Variants in SEC24A observed in about 807,000 individuals in gnomAD.
The protein encoded by SEC24A is protein transport protein Sec24A.
In SEC24A, 93 loss-of-function variants were observed where a neutral mutation model predicts 129.4. The observed-to-expected ratio is 0.72, with a 90% CI of 0.61 to 0.85. The LOEUF (loss-of-function observed/expected upper bound fraction) is 0.85. SEC24A is among the 40% of genes least tolerant of loss of function. The probability of loss-of-function intolerance (pLI) is 0.00; values close to 1 mark genes in which losing one functional copy is unlikely to be tolerated. For synonymous variants in SEC24A, 460 were observed against 467.3 expected, an observed-to-expected ratio of 0.98 and a Z score of 0.20; for missense variants, 1,264 against 1,307.4, an observed-to-expected ratio of 0.97 and a Z score of 0.51.
At chr5:134,670,527 C>T (rs1290000715) in intron 3 of SEC24A, among the ~76,000 whole-genome samples, 1 of 152,208 alleles carries the variant, frequency 6.6e-6, no homozygotes, top group Non-Finnish European at 1.5e-5. Context: ...ATTTAGTTCT[C>T]ATAAACAGAT....
intron 21 of SEC24A, among the ~76,000 whole-genome samples, 162 bp downstream of exon 21, chr5:134,721,252 A>C (rs1249667046): frequency 6.6e-6 from 1 of 152,104 alleles, no homozygotes; most frequent in Non-Finnish European, 1.5e-5. Context: ...TCATAGAATC[A>C]TTAGGGAATT....
intron 11 of SEC24A, among the ~76,000 whole-genome samples, chr5:134,690,365 G>A (rs1280650510): frequency 6.6e-6 from 1 of 152,116 alleles, no homozygotes; most frequent in African/African-American, 2.4e-5. Context: ...CCATGTTGCA[G>A]TGCAATGGTG....
intron 15 of SEC24A, among the ~76,000 whole-genome samples, chr5:134,699,592 C>G (rs554283028): frequency 6.6e-6 from 1 of 152,076 alleles, no homozygotes; most frequent in African/African-American, 2.4e-5. Flanking sequence ...AGCTACCGCA[C>G]CTGGCCCATT....
chr5:134,693,080 T>C, intron 12 of SEC24A: 1 of 1,536,030 alleles, frequency 6.5e-7, no homozygotes, highest in Non-Finnish European at 8.7e-7. Flanking sequence ...TGCCTGGAAA[T>C]TGCCATGAGA....
chr5:134,688,301 T>C lies in SEC24A; in HGVS notation c.1723+2T>C. 6.7e-7 allele frequency: 1 copy of C among 1,486,564 alleles called. No homozygotes were observed. Among genetic ancestry groups the C allele is most frequent in the Non-Finnish European group, 9.4e-7 (1 of 1,068,384 alleles). 92.1% of individuals were successfully genotyped at this position (1,486,564 alleles called of 1,614,324 possible). The stretch of plus-strand genomic sequence containing the variant: ...TGCTAATAGTTTCAGATATTGAAGG[T>C]ATAGATTTATTGAACTACTTTCATA... On this transcript the variant is annotated splice_donor_variant, in intron 11 of 22. Coordinates refer to ENST00000398844, the MANE Select transcript of SEC24A (RefSeq NM_021982.3). LOFTEE classifies it high-confidence loss of function.
Position 134,693,742 on chromosome 5 carries a change from C to G in SEC24A, c.1795C>G (p.Leu599Val), listed in dbSNP as rs775366428. 1.2e-5 allele frequency: 19 copies of G among 1,613,716 alleles called. No homozygotes were observed. The highest frequency in any genetic ancestry group is 1.6e-5 in the Non-Finnish European group (19 of 1,179,876). The change falls in exon 13 of 23, where the codon CTG (leucine) becomes GTG (valine). Residue 599 changes from leucine (L) to valine (V), a missense_variant. Coordinates refer to ENST00000398844, the MANE Select transcript of SEC24A (RefSeq NM_021982.3). Reference protein sequence around the residue: ...NESKELVQDLLKTLPQMFTKT... With the variant: ...NESKELVQDLVKTLPQMFTKT... ...GTTTTACAAGCTCGTGCAAGATTTA[C>G]TGAAAACTTTGCCACAAATGTTTAC...
intron 1 of SEC24A, among the ~76,000 whole-genome samples, chr5:134,654,428 G>A (rs1380504472): frequency 6.6e-6 from 1 of 151,994 alleles, no homozygotes; most frequent in Non-Finnish European, 1.5e-5. Flanking sequence ...CACCATGTTG[G>A]ACAGGGTGGT....
intron 15 of SEC24A, among the ~76,000 whole-genome samples, chr5:134,701,920 A>G (rs1275003766): frequency 6.6e-6 from 1 of 152,202 alleles, no homozygotes; most frequent in Non-Finnish European, 1.5e-5. Flanking sequence ...TACTCTAGAA[A>G]AGTTAACACA....
At position 134,693,845 on chromosome 5, in the gene SEC24A, G is replaced by A. The variant is rs774591943; in HGVS notation, c.1898G>A (p.Arg633Gln). Residue 633 changes from arginine (R) to glutamine (Q), a missense_variant, in exon 13 of 23, where the codon CGA becomes CAA. Coordinates refer to ENST00000398844, the MANE Select transcript of SEC24A (RefSeq NM_021982.3). ...AFKLMSPTGG[R>Q]MSVFQTQLPT... ...AAGCTGATGTCTCCAACTGGTGGTC[G>A]AATGTCTGTCTTTCAAACACAACTC... The A allele has an allele frequency of 1.1e-5, 18 of 1,614,006 alleles. No homozygotes were observed. Among genetic ancestry groups the A allele is most frequent in the South Asian group, 2.2e-5 (2 of 91,084 alleles).
rs370663734 is a variant in SEC24A at position 134,673,450 on chromosome 5, GTTGTTT to G, written c.818-1137_818-1132del. 7.4e-3 allele frequency among the ~76,000 whole-genome samples: 1,131 copies of G among 152,056 alleles called. 8 individuals are homozygous for G. The highest frequency in any genetic ancestry group is 0.024 in the South Asian group (117 of 4,814). On this transcript the variant is annotated intron_variant, in intron 4 of 22. Coordinates refer to ENST00000398844, the MANE Select transcript of SEC24A (RefSeq NM_021982.3). ...AGTAAATTAACTGTTCTTTTGTTTTGTTGTTTTTGTTTTTGTTTTTGTTTTTGTTTT... is the reference window on the plus strand; with the variant it reads ...AGTAAATTAACTGTTCTTTTGTTTTGTTGTTTTTGTTTTTGTTTTTGTTTT...
chr5:134,703,632 CCTCA>C (rs1203101929), intron 15 of SEC24A, 123 bp from the exon 16 acceptor site: 18 of 637,060 alleles, frequency 2.8e-5, no homozygotes, highest in Non-Finnish European at 5.0e-5. Flanking sequence ...TATTCCTTAA[CCTCA>C]CTAAGTACTG....
chr5:134,707,966 A>G (rs1241069861), intron 17 of SEC24A, among the ~76,000 whole-genome samples: 1 of 152,166 alleles, frequency 6.6e-6, no homozygotes, highest in Non-Finnish European at 1.5e-5. Flanking sequence ...ACAAAACAAA[A>G]CAAAACAAAA....
At chr5:134,682,010 G>C (rs1751289002) in intron 8 of SEC24A, among the ~76,000 whole-genome samples, 1 of 152,156 alleles carries the variant, frequency 6.6e-6, no homozygotes. Context: ...GGGAGGCCAA[G>C]GCGGGCGGAT....
chr5:134,658,082 A>G (rs899457152), intron 1 of SEC24A, among the ~76,000 whole-genome samples: 3 of 152,168 alleles, frequency 2.0e-5, no homozygotes, highest in African/African-American at 7.2e-5. Context: ...CAGCCTGGCC[A>G]ACATGGTGAA....
chr5:134,689,757 C>T (rs1413937488), intron 11 of SEC24A, among the ~76,000 whole-genome samples: 1 of 150,378 alleles, frequency 6.6e-6, no homozygotes, highest in Admixed American at 6.6e-5. Flanking sequence ...GAGTGAGACT[C>T]CATCTCAAGA....
intron 4 of SEC24A, among the ~76,000 whole-genome samples, chr5:134,674,147 T>TAAATA (rs1012732722): frequency 6.6e-6 from 1 of 152,064 alleles, no homozygotes; most frequent in East Asian, 1.9e-4. Context: ...AATAAAATGA[T>TAAATA]AAATAAAATA....
chr5:134,694,728 A>T (rs933734565), intron 13 of SEC24A, among the ~76,000 whole-genome samples: 1 of 151,376 alleles, frequency 6.6e-6, no homozygotes, highest in Non-Finnish European at 1.5e-5. Context: ...CTGAGGCAGG[A>T]GAATTGCTTG....
intron 12 of SEC24A, chr5:134,693,424 C>T (rs1751723382): frequency 4.4e-6 from 6 of 1,357,140 alleles, no homozygotes; most frequent in South Asian, 3.4e-5. Flanking sequence ...TATTTCATGG[C>T]ATTAAAATAC....
At position 134,703,811 on chromosome 5, in the gene SEC24A, A is replaced by G; in HGVS notation, c.2319A>G (p.Leu773=). The change falls in exon 16 of 23, where the codon TTA becomes TTG. Residue 773 remains leucine (L), a synonymous_variant. Transcript: ENST00000398844. ...ACTTCTTTGTTAGGTCAACCGACTT[A>G]CTGTCTTTGCCTAACGTCAACCCAG... The part of the protein sequence containing the change: ...HGNFFVRSTD[L]LSLPNVNPDA... 6.2e-7 allele frequency: 1 copy of G among 1,613,496 alleles called. No homozygotes were observed. The highest frequency in any genetic ancestry group is 8.5e-7 in the Non-Finnish European group (1 of 1,179,476).
Sources: allele counts gnomAD v4.1 joint callset (sites outside exome capture counted in the v4.1 genomes callset), GRCh38; gene constraint gnomAD v4.1.1; transcripts MANE v1.5; gene names NCBI Gene and HGNC (gene_info 2026-07-23, HGNC 2026-07-21).